The following SAMD5 variants were observed in gnomAD, a reference collection of about 807,000 sequenced individuals.
SAMD5 encodes the protein sterile alpha motif domain containing 5.
SAMD5 carries 13 observed loss-of-function variants against 11.3 expected under a neutral mutation model. That is an observed-to-expected ratio of 1.15 (90% CI 0.75 to 1.83). SAMD5 has a LOEUF of 1.83. SAMD5 is among the 40% of genes most tolerant of loss of function. The pLI, the probability that SAMD5 is intolerant of heterozygous loss-of-function variation, is 0.00. For synonymous variants in SAMD5, 129 were observed against 111.3 expected (o/e 1.16, Z -1.00); for missense variants, 255 against 239.1 (o/e 1.07, Z -0.44).
the SAMD5 span, among the ~76,000 whole-genome samples, chr6:147,883,899 C>T: frequency 3.3e-5 from 5 of 152,220 alleles, no homozygotes; most frequent in African/African-American, 1.2e-4. Flanking sequence ...ATTAAATCTG[C>T]GTTATTAAAT....
At chr6:147,742,664 A>G in the SAMD5 span, among the ~76,000 whole-genome samples, 1 of 152,198 alleles carries the variant, frequency 6.6e-6, no homozygotes, top group Non-Finnish European at 1.5e-5. Context: ...TACTCTATCC[A>G]GTTAAGAACT....
chr6:147,793,235 C>A, the SAMD5 span, among the ~76,000 whole-genome samples: 8 of 152,098 alleles, frequency 5.3e-5, no homozygotes, highest in Non-Finnish European at 4.4e-5. Flanking sequence ...CCTTATCCCC[C>A]CCAAATCCAT....
At chr6:147,857,890 C>A in the SAMD5 span, among the ~76,000 whole-genome samples, 1 of 152,198 alleles carries the variant, frequency 6.6e-6, no homozygotes, top group African/African-American at 2.4e-5. Flanking sequence ...AGCCAGATAC[C>A]TTTACTGTCA....
At chr6:147,583,755 A>G (rs1474441467) in intron 1 of SAMD5, among the ~76,000 whole-genome samples, 1 of 151,870 alleles carries the variant, frequency 6.6e-6, no homozygotes, top group Non-Finnish European at 1.5e-5. Context: ...GGAGAAATTT[A>G]TGCTCTAGGT....
chr6:147,938,838 A>G, the SAMD5 span, among the ~76,000 whole-genome samples: 1 of 152,174 alleles, frequency 6.6e-6, no homozygotes, highest in Non-Finnish European at 1.5e-5. Flanking sequence ...TACCAAATGC[A>G]TGGGTTTTTT....
the SAMD5 span, among the ~76,000 whole-genome samples, chr6:147,933,758 A>G: frequency 6.6e-6 from 1 of 152,230 alleles, no homozygotes; most frequent in African/African-American, 2.4e-5. Flanking sequence ...CTGTACTACC[A>G]TGAGCACAAA....
chr6:147,671,889 ATTT>A (rs56865442), intron 1 of SAMD5, among the ~76,000 whole-genome samples: 1 of 98,058 alleles, frequency 1.0e-5, no homozygotes, highest in Non-Finnish European at 2.0e-5. Context: ...CTTTTTCAGG[ATTT>A]TTTTTTTTTT....
the SAMD5 span, among the ~76,000 whole-genome samples, chr6:147,802,439 A>G: frequency 6.6e-6 from 1 of 152,022 alleles, no homozygotes; most frequent in Non-Finnish European, 1.5e-5. Flanking sequence ...GAACAACTCG[A>G]GCTCTCATAA....
chr6:147,900,835 G>C, the SAMD5 span, among the ~76,000 whole-genome samples: 2 of 152,096 alleles, frequency 1.3e-5, no homozygotes, highest in African/African-American at 4.8e-5. Flanking sequence ...TAAACTTTTA[G>C]CCTGTCCTTT....
Position 147,540,933 on chromosome 6 carries a change from G to GTTTT in SAMD5, c.460-23437_460-23434dup, listed in dbSNP as rs1187718649. Among the ~76,000 whole-genome samples, 5 of 64,178 alleles carry GTTTT rather than the reference G, an allele frequency of 7.8e-5. 1 individual carries two copies. The highest frequency in any genetic ancestry group is 2.1e-4 in the African/African-American group (4 of 18,642). 42.1% of individuals were successfully genotyped at this position (64,178 alleles called of 152,430 possible). A position where few individuals can be genotyped will look rare whatever the true frequency, so the allele number is the denominator to read the frequency against. On this transcript the variant is annotated intron_variant, in intron 1 of 1. Transcript: ENST00000367474. Reference sequence around the variant, plus strand: ...CATAGCTGTGGGGTTCAAGCCACGCGTTTTTTTTTTTTTTTTTTTTTTTTT... The same window carrying GTTTT: ...CATAGCTGTGGGGTTCAAGCCACGCGTTTTTTTTTTTTTTTTTTTTTTTTTTTTT...
chr6:147,582,335 C>CA (rs55846175), intron 1 of SAMD5, among the ~76,000 whole-genome samples: 136 of 147,106 alleles, frequency 9.2e-4, no homozygotes, highest in East Asian at 2.2e-3. Context: ...ACCCCCCCAC[C>CA]AAAAAAAAAA....
chr6:147,954,145 T>C, the SAMD5 span, among the ~76,000 whole-genome samples: 7 of 152,204 alleles, frequency 4.6e-5, no homozygotes, highest in African/African-American at 1.7e-4. Flanking sequence ...TTCCTTTGTT[T>C]TCACTGAAGT....
chr6:147,536,689 T>G (rs1788514424), intron 1 of SAMD5, among the ~76,000 whole-genome samples: 1 of 152,156 alleles, frequency 6.6e-6, no homozygotes, highest in Non-Finnish European at 1.5e-5. Flanking sequence ...TATAATGGAC[T>G]AGGAATTTTG....
chr6:147,696,310 A>G (rs1791175312), intron 1 of SAMD5, among the ~76,000 whole-genome samples: 2 of 151,700 alleles, frequency 1.3e-5, no homozygotes, highest in Admixed American at 6.6e-5. Context: ...GTTAATTTAT[A>G]CTAAATTCTT....
intron 1 of SAMD5, among the ~76,000 whole-genome samples, chr6:147,734,597 CAGCTACTCGGG>C (rs1475702070): frequency 2.6e-5 from 4 of 151,152 alleles, no homozygotes; most frequent in Non-Finnish European, 4.4e-5. Context: ...TCTGTAGTCC[CAGCTACTCGGG>C]AGGCTGAGGC....
chr6:147,587,722 G>A (rs1789395839), intron 1 of SAMD5, among the ~76,000 whole-genome samples: 1 of 152,082 alleles, frequency 6.6e-6, no homozygotes, highest in African/African-American at 2.4e-5. Context: ...TTTTTCTCCT[G>A]CAGCAGTTTC....
chr6:147,545,501 C>A (rs1226162352), intron 1 of SAMD5, among the ~76,000 whole-genome samples: 3 of 152,010 alleles, frequency 2.0e-5, no homozygotes, highest in African/African-American at 2.4e-5. Flanking sequence ...GTCTTTGTTC[C>A]ATGTTGACAT....
chr6:147,807,240 C>G, the SAMD5 span, among the ~76,000 whole-genome samples: 15 of 152,134 alleles, frequency 9.9e-5, no homozygotes, highest in Non-Finnish European at 1.2e-4. Context: ...GCTGGGACTA[C>G]AGGCACTTGC....
chr6:147,671,981 C>T (rs1790802903), intron 1 of SAMD5, among the ~76,000 whole-genome samples: 1 of 136,548 alleles, frequency 7.3e-6, no homozygotes, highest in Non-Finnish European at 1.5e-5. Flanking sequence ...ATAGAAAATT[C>T]TCTTGGGGAT....
Sources: gnomAD v4.1 joint callset for allele counts (sites outside exome capture counted in the v4.1 genomes callset) on GRCh38, gnomAD v4.1.1 for gene constraint, MANE v1.5 for transcripts, NCBI Gene and HGNC (gene_info 2026-07-23, HGNC 2026-07-21) for gene names.